The following CAMK2A variants were observed in gnomAD, a reference collection of about 807,000 sequenced individuals.
The protein encoded by CAMK2A is calcium/calmodulin-dependent protein kinase type II subunit alpha.
A neutral mutation model predicts 79.2 loss-of-function variants in CAMK2A; 7 were observed. The ratio of observed to expected loss-of-function variants is 0.09; its 90% CI spans 0.05 to 0.17. CAMK2A has a LOEUF of 0.17. Ranked by LOEUF, CAMK2A falls within the 10% of genes least tolerant of loss-of-function variation. CAMK2A has a pLI of 1.00. For missense variants in CAMK2A, 214 were observed against 646.4 expected, an observed-to-expected ratio of 0.33 and a Z score of 7.25; for synonymous variants, 242 against 251.7, an observed-to-expected ratio of 0.96 and a Z score of 0.36.
At chr5:150,273,525 T>C (rs906507652) in intron 1 of CAMK2A, among the ~76,000 whole-genome samples, 1 of 152,144 alleles carries the variant, frequency 6.6e-6, no homozygotes, top group African/African-American at 2.4e-5. Context: ...TGGTTCAAAG[T>C]TCAAAAGATA....
chr5:150,285,330 C>T (rs931901446), intron 1 of CAMK2A, among the ~76,000 whole-genome samples: 1 of 152,144 alleles, frequency 6.6e-6, no homozygotes, highest in African/African-American at 2.4e-5. Flanking sequence ...AAAAGCCTTG[C>T]CGGCCCCAAA....
At chr5:150,227,700 G>A (rs1381001523) in intron 17 of CAMK2A, among the ~76,000 whole-genome samples, 1 of 152,144 alleles carries the variant, frequency 6.6e-6, no homozygotes, top group Admixed American at 6.5e-5. Flanking sequence ...AACAGGCAGG[G>A]GCACAGCAGT....
At chr5:150,283,094 TTGG>T (rs1757281941) in intron 1 of CAMK2A, among the ~76,000 whole-genome samples, 2 of 152,240 alleles carry the variant, frequency 1.3e-5, no homozygotes. Context: ...CCCCAATTCC[TTGG>T]TGTTCTCTCA....
At chr5:150,246,051 C>T (rs1755554134) in intron 12 of CAMK2A, among the ~76,000 whole-genome samples, 1 of 152,190 alleles carries the variant, frequency 6.6e-6, no homozygotes. Context: ...ACCCATAAGC[C>T]GCACATGCTC....
chr5:150,234,849 G>T (rs778534570), intron 15 of CAMK2A, among the ~76,000 whole-genome samples: 1 of 152,154 alleles, frequency 6.6e-6, no homozygotes, highest in Non-Finnish European at 1.5e-5. Context: ...CTTTCAAGTT[G>T]AAATCTGTCC....
At chr5:150,246,413 A>G (rs1755569718) in intron 12 of CAMK2A, among the ~76,000 whole-genome samples, 1 of 152,204 alleles carries the variant, frequency 6.6e-6, no homozygotes, top group African/African-American at 2.4e-5. Flanking sequence ...CTACTGTCAC[A>G]GGATCGTGGG....
chr5:150,261,373 G>A (rs527362989), intron 3 of CAMK2A, among the ~76,000 whole-genome samples: 7 of 152,268 alleles, frequency 4.6e-5, no homozygotes, highest in African/African-American at 1.7e-4. Flanking sequence ...ATCAGTGGAG[G>A]CTGCCTGAGG....
intron 1 of CAMK2A, among the ~76,000 whole-genome samples, chr5:150,274,891 G>T (rs1013522115): frequency 1.3e-5 from 2 of 152,194 alleles, no homozygotes; most frequent in Non-Finnish European, 2.9e-5. Context: ...AAACTTGGAT[G>T]CCCCATCCCA....
At chr5:150,280,431 C>G (rs1757162799) in intron 1 of CAMK2A, among the ~76,000 whole-genome samples, 1 of 152,182 alleles carries the variant, frequency 6.6e-6, no homozygotes, top group African/African-American at 2.4e-5. Context: ...TAAAACAAAA[C>G]AACCGAGAAC....
At chr5:150,230,441 C>T (rs1754793738) in intron 16 of CAMK2A, among the ~76,000 whole-genome samples, 1 of 152,112 alleles carries the variant, frequency 6.6e-6, no homozygotes, top group African/African-American at 2.4e-5. Context: ...AAGGAGCAAA[C>T]CCCAGCCAGG....
chr5:150,234,520 C>T (rs1013995443), intron 15 of CAMK2A, among the ~76,000 whole-genome samples: 2 of 152,214 alleles, frequency 1.3e-5, no homozygotes, highest in African/African-American at 4.8e-5. Context: ...AAATAGCTAA[C>T]ATGTACATGG....
At position 150,219,755 on chromosome 5, in the gene CAMK2A, C is replaced by T. The variant is rs1377668591; in HGVS notation, c.*2955G>A. ...TCTCCCTTTGAAGGGAGACAGGAGG[C>T]CTTGGGTCAGGATTCGCACCATGGT... is the stretch of plus-strand genomic sequence containing the variant. On this transcript the variant is annotated 3_prime_UTR_variant, in exon 19 of 19. Transcript: ENST00000671881. The T allele has an allele frequency of 6.6e-6, 1 of 152,292 alleles. No individual in the cohort carries two copies. Among genetic ancestry groups the T allele is most frequent in the Non-Finnish European group, 1.5e-5 (1 of 67,996 alleles). 9.4% of individuals were successfully genotyped at this position (152,292 alleles called of 1,614,324 possible).
At position 150,287,937 on chromosome 5, in the gene CAMK2A, C is replaced by CTGTGTGTGTGTG. The variant is rs57886187; in HGVS notation, c.62+1615_62+1626dup. On this transcript the variant is annotated intron_variant, in intron 1 of 18. Coordinates refer to ENST00000671881, the MANE Select transcript of CAMK2A (RefSeq NM_015981.4). The stretch of plus-strand genomic sequence containing the variant: ...GTGGTGCATGCCTGTAGGATAGCCT[C>CTGTGTGTGTGTG]TGTGTGTGTGTGTGTGTGTGTGTGT... Among the ~76,000 whole-genome samples, 93 of 140,876 alleles carry CTGTGTGTGTGTG rather than the reference C, an allele frequency of 6.6e-4. 2 individuals are homozygous for CTGTGTGTGTGTG. Among genetic ancestry groups the CTGTGTGTGTGTG allele is most frequent in the South Asian group, 5.3e-3 (22 of 4,140 alleles). 92.4% of individuals were successfully genotyped at this position (140,876 alleles called of 152,430 possible).
intron 1 of CAMK2A, among the ~76,000 whole-genome samples, chr5:150,288,336 AC>A (rs1757518339): frequency 6.6e-6 from 1 of 152,040 alleles, no homozygotes; most frequent in South Asian, 2.1e-4. Flanking sequence ...TTCTCATTCA[AC>A]CCAGCCAACA....
chr5:150,279,530 A>G (rs1757122810), intron 1 of CAMK2A, among the ~76,000 whole-genome samples: 1 of 152,238 alleles, frequency 6.6e-6, no homozygotes, highest in Non-Finnish European at 1.5e-5. Flanking sequence ...TGCTCAAGGA[A>G]CAATGCCTTG....
At position 150,222,498 on chromosome 5, in the gene CAMK2A, G is replaced by T. The variant is rs908065379; in HGVS notation, c.*212C>A. On this transcript the variant is annotated 3_prime_UTR_variant, in exon 19 of 19. Coordinates refer to ENST00000671881, the MANE Select transcript of CAMK2A (RefSeq NM_015981.4). ...CCAGCCTGGCAGGGGAGAGGGTGGG[G>T]GTGAGAGGTGGGGAGATGTGGCCGT... The T allele has an allele frequency of 4.5e-5, 32 of 706,856 alleles. No homozygotes were observed. Among genetic ancestry groups the T allele is most frequent in the Admixed American group, 1.2e-4 (6 of 50,014 alleles). The allele number at this position is 706,856 out of a possible 1,614,324, so 43.8% of individuals were successfully genotyped here.
At chr5:150,275,511 C>T (rs1392210769) in intron 1 of CAMK2A, among the ~76,000 whole-genome samples, 1 of 152,192 alleles carries the variant, frequency 6.6e-6, no homozygotes, top group African/African-American at 2.4e-5. Flanking sequence ...TTTCCCCTTG[C>T]TTCAGATACC....
chr5:150,257,702 C>T (rs1580930153), intron 3 of CAMK2A, 85 bp from the exon 4 acceptor site: 2 of 1,049,736 alleles, frequency 1.9e-6, no homozygotes, highest in East Asian at 5.2e-5. Context: ...CGTGTATATC[C>T]AACACCCCCC....
chr5:150,261,834 A>G (rs1756317916), intron 3 of CAMK2A, among the ~76,000 whole-genome samples: 1 of 152,212 alleles, frequency 6.6e-6, no homozygotes, highest in South Asian at 2.1e-4. Flanking sequence ...ATACCACTGG[A>G]CTGCTATAGT....
Sources: gnomAD v4.1 joint callset for allele counts (sites outside exome capture counted in the v4.1 genomes callset) on GRCh38, gnomAD v4.1.1 for gene constraint, MANE v1.5 for transcripts, NCBI Gene and HGNC (gene_info 2026-07-23, HGNC 2026-07-21) for gene names.